Variants in CDH23 observed in about 807,000 individuals in gnomAD.
CDH23 encodes the protein cadherin related 23, also known as cadherin-23.
CDH23 carries 189 observed loss-of-function variants against 317.1 expected under a neutral mutation model. That is an observed-to-expected ratio of 0.60 (90% CI 0.53 to 0.67). The LOEUF is 0.67. Ranked by LOEUF, CDH23 falls within the 30% of genes least tolerant of loss-of-function variation. The probability of loss-of-function intolerance (pLI) is 0.00; values close to 1 mark genes in which losing one functional copy is unlikely to be tolerated. For synonymous variants in CDH23, 1,839 were observed against 1,876.8 expected, an observed-to-expected ratio of 0.98 and a Z score of 0.52; for missense variants, 4,401 against 4,592.4, an observed-to-expected ratio of 0.96 and a Z score of 1.20.
At chr10:71,811,284 A>T (rs758353380) in intron 62 of CDH23, 31 bp from the exon 63 acceptor site, 2 of 1,613,314 alleles carry the variant, frequency 1.2e-6, no homozygotes, top group Non-Finnish European at 1.7e-6. Flanking sequence ...ATGGCTGAGG[A>T]GGAGAGCTGA....
intron 38 of CDH23, chr10:71,753,940 G>A (rs1440496959): frequency 2.2e-6 from 1 of 451,018 alleles, no homozygotes; most frequent in African/African-American, 2.0e-5. Context: ...CCTTTGGGGT[G>A]AGGGTTGTTG....
chr10:71,813,321 C>G lies in CDH23; in HGVS notation c.9711C>G (p.Ala3237=), dbSNP rs1047052508. ...KLFAQRMVQK[A]SSCHSSISEL... is the part of the protein sequence containing the mutation. Reference sequence around the variant, plus strand: ...TTGCACAGCGGATGGTGCAAAAAGCCTCCTCCTGCCACTCCTCCATCTCTG... The same window carrying G: ...TTGCACAGCGGATGGTGCAAAAAGCGTCCTCCTGCCACTCCTCCATCTCTG... Residue 3237 remains alanine, a synonymous_variant, in exon 69 of 70, where the codon GCC becomes GCG. Transcript: ENST00000224721. The G allele has an allele frequency of 7.7e-6, 12 of 1,551,454 alleles. No individual in the cohort carries two copies. The African/African-American group carries it at 1.6e-4, about 21-fold the overall frequency.
intron 3 of CDH23, among the ~76,000 whole-genome samples, chr10:71,475,307 A>G (rs10999839): frequency 0.2 from 30,814 of 152,168 alleles, 3,485 homozygotes; most frequent in African/African-American, 0.31. Context: ...TGAGCATCAC[A>G]GTGGGGAGGG....
chr10:71,461,717 C>T (rs1850997033), intron 3 of CDH23, among the ~76,000 whole-genome samples: 1 of 152,234 alleles, frequency 6.6e-6, no homozygotes, highest in Admixed American at 6.5e-5. Context: ...ACATTAGGTC[C>T]TCATCGCAAC....
chr10:71,498,186 G>A (rs1853079811), intron 3 of CDH23, among the ~76,000 whole-genome samples: 2 of 152,316 alleles, frequency 1.3e-5, no homozygotes, highest in Middle Eastern at 3.4e-3. Context: ...TCCTGGCTGA[G>A]TGTGAACCAG....
chr10:71,511,528 C>T (rs1030432268), intron 6 of CDH23, among the ~76,000 whole-genome samples: 3 of 139,284 alleles, frequency 2.2e-5, no homozygotes, highest in African/African-American at 7.8e-5. Flanking sequence ...TCCTTCCACT[C>T]GTATCCAAAT....
intron 11 of CDH23, among the ~76,000 whole-genome samples, chr10:71,621,611 C>T (rs1861469151): frequency 6.6e-6 from 1 of 152,182 alleles, no homozygotes; most frequent in Non-Finnish European, 1.5e-5. Context: ...CAAGGATGAC[C>T]TCAGAAATCC....
intron 32 of CDH23, among the ~76,000 whole-genome samples, chr10:71,732,967 A>T (rs1219257219): frequency 1.3e-5 from 2 of 152,274 alleles, no homozygotes; most frequent in East Asian, 3.9e-4. Flanking sequence ...TCCAGTAGAC[A>T]CCATAGTGTC....
chr10:71,803,065 C>G lies in CDH23; in HGVS notation c.7650C>G (p.Gly2550=), dbSNP rs750331017. The part of the protein sequence containing the change: ...PNGELTYSLE[G]PGVEAFHVDM... ...GAGAGTTGACCTACTCACTTGAGGG[C>G]CCTGGCGTGGGTATGTGGCCTTCCT... is the stretch of plus-strand genomic sequence containing the variant. Residue 2550 remains glycine (G), a synonymous_variant, in exon 54 of 70, where the codon GGC becomes GGG. Transcript: ENST00000224721. 1 of 1,609,726 alleles carries G rather than the reference C, an allele frequency of 6.2e-7. No individual in the cohort carries two copies. The highest frequency in any genetic ancestry group is 1.1e-5 in the South Asian group (1 of 90,954).
intron 8 of CDH23, among the ~76,000 whole-genome samples, chr10:71,572,462 C>T (rs895245509): frequency 6.6e-6 from 1 of 152,192 alleles, no homozygotes; most frequent in African/African-American, 2.4e-5. Flanking sequence ...GGACTGGAAG[C>T]GTGCAGTTCA....
chr10:71,635,463 AT>A (rs1313173357), intron 11 of CDH23, among the ~76,000 whole-genome samples: 7 of 152,346 alleles, frequency 4.6e-5, no homozygotes, highest in Admixed American at 4.6e-4. Context: ...TCACCAGCAA[AT>A]TACCCTTAAA....
intron 9 of CDH23, among the ~76,000 whole-genome samples, chr10:71,604,520 C>T (rs1860417290): frequency 6.6e-6 from 1 of 152,212 alleles, no homozygotes; most frequent in Non-Finnish European, 1.5e-5. Context: ...CCAACCCCTG[C>T]AGGAGCTCCT....
chr10:71,458,977 C>T (rs969369629), intron 3 of CDH23, among the ~76,000 whole-genome samples: 13 of 149,488 alleles, frequency 8.7e-5, no homozygotes, highest in African/African-American at 3.2e-4. Context: ...TTAGTAGAGG[C>T]GGGGTTTCAC....
chr10:71,506,198 C>T (rs1294029807), intron 3 of CDH23, among the ~76,000 whole-genome samples: 2 of 152,064 alleles, frequency 1.3e-5, no homozygotes, highest in Non-Finnish European at 2.9e-5. Flanking sequence ...TCCATAGAAA[C>T]AGAAAATGGA....
intron 44 of CDH23, among the ~76,000 whole-genome samples, chr10:71,787,856 T>TA (rs1413529320): frequency 2.0e-5 from 3 of 152,258 alleles, no homozygotes; most frequent in Non-Finnish European, 4.4e-5. Flanking sequence ...CATGTGAGTG[T>TA]AAGTATCTTT....
intron 3 of CDH23, among the ~76,000 whole-genome samples, chr10:71,451,188 C>G (rs1354725189): frequency 6.6e-6 from 1 of 152,168 alleles, no homozygotes; most frequent in Non-Finnish European, 1.5e-5. Flanking sequence ...CTCGGCCCTT[C>G]CACTCCCATC....
chr10:71,690,662 T>C, intron 20 of CDH23, 78 bp downstream of exon 20: 1 of 985,760 alleles, frequency 1.0e-6, no homozygotes, highest in African/African-American at 1.6e-5. Context: ...AGGACCAGCC[T>C]CTGGGCCCAG....
At chr10:71,705,915 CACTG>C (rs1865771573) in intron 25 of CDH23, among the ~76,000 whole-genome samples, 1 of 152,156 alleles carries the variant, frequency 6.6e-6, no homozygotes, top group Non-Finnish European at 1.5e-5. Flanking sequence ...CAGGCTCAGA[CACTG>C]ACCCTCTTCA....
chr10:71,721,593 G>A (rs993950575), intron 28 of CDH23, among the ~76,000 whole-genome samples: 2 of 152,090 alleles, frequency 1.3e-5, no homozygotes, highest in African/African-American at 2.4e-5. Context: ...CCTGACCCAG[G>A]GCCCTTGTTC....
Sources: allele counts gnomAD v4.1 joint callset (sites outside exome capture counted in the v4.1 genomes callset), GRCh38; gene constraint gnomAD v4.1.1; transcripts MANE v1.5; gene names NCBI Gene and HGNC (gene_info 2026-07-23, HGNC 2026-07-21).